The following JADE2 variants were observed in gnomAD, a reference collection of about 807,000 sequenced individuals.
The protein encoded by JADE2 is jade family PHD finger 2, also known as E3 ubiquitin-protein ligase Jade-2.
In JADE2, 13 loss-of-function variants were observed where a neutral mutation model predicts 85.7. That is an observed-to-expected ratio of 0.15 (90% CI 0.10 to 0.24). The LOEUF is 0.24. JADE2 is among the 10% of genes least tolerant of loss of function. The pLI, the probability that JADE2 is intolerant of heterozygous loss-of-function variation, is 1.00. For synonymous variants in JADE2, 440 were observed against 456.1 expected, an observed-to-expected ratio of 0.96 and a Z score of 0.45; for missense variants, 846 against 1,115.9, an observed-to-expected ratio of 0.76 and a Z score of 3.45.
At position 134,542,435 on chromosome 5, in the gene JADE2, CTTT is replaced by C. The variant is rs10568722; in HGVS notation, c.153+4373_153+4375del. Among the ~76,000 whole-genome samples the C allele has an allele frequency of 1.2e-3, 110 of 93,462 alleles. No homozygotes were observed. The South Asian group carries it at 0.012, about 10-fold the overall frequency. The allele number at this position is 93,462 out of a possible 152,430, so 61.3% of individuals were successfully genotyped here. ...GGAGTAGCACCCTAGGTACCTATAC[CTTT>C]TTTTTTTTTTTTTTTTTTTTGAGAT... is the stretch of plus-strand genomic sequence containing the variant. On this transcript the variant is annotated intron_variant, in intron 3 of 11. Coordinates refer to ENST00000681547, the MANE Select transcript of JADE2 (RefSeq NM_001388185.1).
Position 134,559,939 on chromosome 5 carries a change from G to A in JADE2, c.421G>A (p.Glu141Lys). 2.5e-6 allele frequency: 4 copies of A among 1,614,114 alleles called. No individual in the cohort carries two copies. Among genetic ancestry groups the A allele is most frequent in the Non-Finnish European group, 2.5e-6 (3 of 1,180,002 alleles). The change falls in exon 5 of 12, where the codon GAG becomes AAG. Residue 141 changes from glutamate (E) to lysine (K), a missense_variant. By Grantham distance (56) the Glu-to-Lys change is moderately conservative (BLOSUM62 1). Around this residue, in one of 9 missense-constraint regions of JADE2, gnomAD observed 78 missense variants for 64.9 expected, o/e 1.20. Coordinates refer to ENST00000681547, the MANE Select transcript of JADE2 (RefSeq NM_001388185.1). Reference protein sequence around the residue: ...WPGGSRYDLDEIDAYWLELIN... With the variant: ...WPGGSRYDLDKIDAYWLELIN... ...AGGGGGCAGCCGCTATGACTTGGAC[G>A]AGATTGATGCCTACTGGCTGGAGCT...
At chr5:134,569,969 C>T (rs1027631899) in intron 9 of JADE2, among the ~76,000 whole-genome samples, 9 of 152,208 alleles carry the variant, frequency 5.9e-5, no homozygotes, top group African/African-American at 1.4e-4. Context: ...CATCCTGCTC[C>T]GTGCCTGCAG....
intron 1 of JADE2, among the ~76,000 whole-genome samples, chr5:134,527,258 C>A (rs1224950649): frequency 6.6e-6 from 1 of 152,058 alleles, no homozygotes; most frequent in Non-Finnish European, 1.5e-5. Flanking sequence ...CGGAGCGGCG[C>A]CCGCCCGCCT....
chr5:134,526,881 C>CG (rs1220729258), intron 1 of JADE2: 90 of 600,874 alleles, frequency 1.5e-4, no homozygotes, highest in Non-Finnish European at 1.8e-4. Context: ...GGAAATGTAC[C>CG]GGCGGCGGCC....
chr5:134,546,438 G>A (rs1028712156), intron 3 of JADE2, among the ~76,000 whole-genome samples: 1 of 152,164 alleles, frequency 6.6e-6, no homozygotes, highest in African/African-American at 2.4e-5. Context: ...TCTTCTTGCA[G>A]CTTGACTATT....
intron 9 of JADE2, among the ~76,000 whole-genome samples, chr5:134,567,076 C>T (rs1428013965): frequency 6.6e-6 from 1 of 152,190 alleles, no homozygotes; most frequent in African/African-American, 2.4e-5. Context: ...AGGCACGTGC[C>T]GGGCCAGGGC....
rs1031391148 is a variant in JADE2 at position 134,580,304 on chromosome 5, T to C, written c.*987T>C. On this transcript the variant is annotated 3_prime_UTR_variant, in exon 12 of 12. Transcript: ENST00000681547. ...TCTTCCGTGGTTTCCTTTTGGAAAC[T>C]CCTCCTTCCAACAAGCAGTGGGATC... is the stretch of plus-strand genomic sequence containing the variant. 2 of 152,680 alleles carry C rather than the reference T, an allele frequency of 1.3e-5. No individual in the cohort carries two copies. The highest frequency in any genetic ancestry group is 2.9e-5 in the Non-Finnish European group (2 of 68,146). 9.5% of individuals were successfully genotyped at this position (152,680 alleles called of 1,614,324 possible).
chr5:134,556,160 C>T (rs1762899340), intron 4 of JADE2, among the ~76,000 whole-genome samples: 1 of 152,232 alleles, frequency 6.6e-6, no homozygotes, highest in Non-Finnish European at 1.5e-5. Flanking sequence ...CAGCTTCTGG[C>T]AGCCTTGCCC....
chr5:134,576,667 G>A, intron 10 of JADE2, 101 bp from the exon 11 acceptor site: 5 of 1,402,102 alleles, frequency 3.6e-6, no homozygotes, highest in Non-Finnish European at 4.9e-6. Context: ...GGTGAGCACT[G>A]GCTGATGGAG....
chr5:134,578,904 C>T lies in JADE2; in HGVS notation c.2092C>T (p.His698Tyr), dbSNP rs560586137. ...GAAGCCACCACGTCGGACATCTTCT[C>T]ACTTGCCGTCCAGCCCTGCAGCCGG... ...TRKPPRRTSS[H>Y]LPSSPAAGDC... The change falls in exon 12 of 12, where the codon CAC (histidine) becomes TAC (tyrosine). Residue 698 changes from histidine (H) to tyrosine (Y), a missense_variant. Around this residue, in one of 9 missense-constraint regions of JADE2, gnomAD observed 300 missense variants for 300.7 expected, o/e 1.00. Coordinates refer to ENST00000681547, the MANE Select transcript of JADE2 (RefSeq NM_001388185.1). The surrounding 1 kb of genome is among the most constrained non-coding windows in gnomAD (Gnocchi z 4.4). The T allele has an allele frequency of 1.9e-6, 3 of 1,613,892 alleles. No homozygotes were observed. The highest frequency in any genetic ancestry group is 3.3e-5 in the Admixed American group (2 of 60,034).
At chr5:134,527,229 A>C (rs1485164475) in intron 1 of JADE2, among the ~76,000 whole-genome samples, 5 of 99,752 alleles carry the variant, frequency 5.0e-5, no homozygotes, top group Admixed American at 1.1e-4. Context: ...CCTTCTTCCC[A>C]CCCACTCGCC....
chr5:134,567,568 G>T (rs1441357800), intron 9 of JADE2, among the ~76,000 whole-genome samples: 2 of 152,128 alleles, frequency 1.3e-5, no homozygotes, highest in East Asian at 3.8e-4. Context: ...CCTCTCCCTG[G>T]GTCCTGTCAG....
chr5:134,571,434 C>CA (rs1561761341), intron 9 of JADE2, among the ~76,000 whole-genome samples: 1 of 152,226 alleles, frequency 6.6e-6, no homozygotes, highest in Non-Finnish European at 1.5e-5. Flanking sequence ...CGCGGTGGCT[C>CA]ACGCCTGTAA....
chr5:134,569,460 G>A (rs867529269), intron 9 of JADE2, among the ~76,000 whole-genome samples: 9 of 152,210 alleles, frequency 5.9e-5, no homozygotes, highest in African/African-American at 9.7e-5. Context: ...GCGGACGCTC[G>A]GAAGGCATGG....
At chr5:134,550,847 G>A (rs535768599) in intron 3 of JADE2, among the ~76,000 whole-genome samples, 1 of 152,342 alleles carries the variant, frequency 6.6e-6, no homozygotes, top group East Asian at 1.9e-4. Flanking sequence ...CAAGTGCTCA[G>A]GGTGTGACCA....
At chr5:134,537,540 G>C (rs966978056) in intron 2 of JADE2, among the ~76,000 whole-genome samples, 4 of 152,210 alleles carry the variant, frequency 2.6e-5, no homozygotes, top group Non-Finnish European at 4.4e-5. Context: ...TCAGGGCTCT[G>C]CTGATGACCT....
chr5:134,571,565 CAG>C (rs1764019137), intron 9 of JADE2, among the ~76,000 whole-genome samples: 1 of 152,170 alleles, frequency 6.6e-6, no homozygotes, highest in Non-Finnish European at 1.5e-5. Flanking sequence ...GGTGTGGTGG[CAG>C]GCACCTGTAA....
chr5:134,530,146 G>C (rs17167602), intron 1 of JADE2, among the ~76,000 whole-genome samples: 3,658 of 152,338 alleles, frequency 0.024, 166 homozygotes, highest in African/African-American at 0.083. Flanking sequence ...AGGAAAGAGT[G>C]GGGCTGTGAC....
chr5:134,527,470 A>G (rs1760926147), intron 1 of JADE2, among the ~76,000 whole-genome samples: 1 of 151,580 alleles, frequency 6.6e-6, no homozygotes, highest in Non-Finnish European at 1.5e-5. Context: ...CCTGTCCCCT[A>G]CTACACACAG....
Sources: allele counts gnomAD v4.1 joint callset (sites outside exome capture counted in the v4.1 genomes callset), GRCh38; gene constraint gnomAD v4.1.1; regional missense constraint gnomAD v4.1.1; non-coding constraint Gnocchi (gnomAD v3.1); transcripts MANE v1.5; gene names NCBI Gene and HGNC (gene_info 2026-07-23, HGNC 2026-07-21).